Variants in LAMA2 observed in about 807,000 individuals in gnomAD.
The protein encoded by LAMA2 is laminin subunit alpha-2.
LAMA2 carries 269 observed loss-of-function variants against 364.8 expected under a neutral mutation model. The ratio of observed to expected loss-of-function variants is 0.74; its 90% CI spans 0.67 to 0.82. The LOEUF is 0.82. Among genes scored for constraint, LAMA2 ranks in the 40% least tolerant of loss-of-function variants. The probability of loss-of-function intolerance (pLI) is 0.00; values close to 1 mark genes in which losing one functional copy is unlikely to be tolerated. For missense variants in LAMA2, 3,807 were observed against 3,873.2 expected, an observed-to-expected ratio of 0.98 and a Z score of 0.45; for synonymous variants, 1,379 against 1,370.6, an observed-to-expected ratio of 1.01 and a Z score of -0.14.
intron 3 of LAMA2, among the ~76,000 whole-genome samples, chr6:129,064,947 A>G (rs4515405): frequency 0.95 from 144,958 of 152,248 alleles, 69,088 homozygotes; most frequent in East Asian, 0.97. Flanking sequence ...AAAGCCAAAG[A>G]CACTGCAAGA....
chr6:129,338,885 T>C (rs1776100610), intron 29 of LAMA2, among the ~76,000 whole-genome samples: 1 of 148,436 alleles, frequency 6.7e-6, no homozygotes, highest in Non-Finnish European at 1.5e-5. Flanking sequence ...GAATTTCAGA[T>C]GGCCCCATGT....
Position 129,492,391 on chromosome 6 carries a change from G to A in LAMA2, c.8152G>A (p.Asp2718Asn), listed in dbSNP as rs148051442. The A allele has an allele frequency of 1.2e-6, 2 of 1,614,042 alleles. No homozygotes were observed. Among genetic ancestry groups the A allele is most frequent in the African/African-American group, 2.7e-5 (2 of 74,930 alleles). ...GRCAHQKLREDEDGAAPAEIV... is the reference protein window; with the variant it reads ...GRCAHQKLRENEDGAAPAEIV... ...CTGTGCCCATCAGAAACTCCGTGAA[G>A]ATGAAGATGGAGCAGCTCCAGCTGA... Residue 2718 changes from aspartate to asparagine, a missense_variant, in exon 58 of 65, where the codon GAT (aspartate) becomes AAT (asparagine). Asp to Asn is a conservative substitution (Grantham distance 23). Transcript: ENST00000421865.
intron 3 of LAMA2, among the ~76,000 whole-genome samples, chr6:129,077,545 G>A (rs117016563): frequency 0.014 from 2,070 of 152,160 alleles, 22 homozygotes; most frequent in Non-Finnish European, 0.017. Flanking sequence ...AAGTTGCCCT[G>A]CTACCACTGT....
chr6:129,205,726 A>G (rs1782596646), intron 12 of LAMA2, among the ~76,000 whole-genome samples: 1 of 152,000 alleles, frequency 6.6e-6, no homozygotes, highest in Non-Finnish European at 1.5e-5. Context: ...TGTATTTTAA[A>G]TAAATTAAAC....
At chr6:129,252,011 A>G in intron 13 of LAMA2, 73 bp from the exon 14 acceptor site, 1 of 901,550 alleles carries the variant, frequency 1.1e-6, no homozygotes, top group Non-Finnish European at 1.8e-6. Flanking sequence ...GGATACAAAT[A>G]TAGATATGTT....
intron 29 of LAMA2, among the ~76,000 whole-genome samples, chr6:129,341,362 T>C (rs1417179979): frequency 6.6e-6 from 1 of 152,214 alleles, no homozygotes; most frequent in Non-Finnish European, 1.5e-5. Context: ...TCTTTCGATA[T>C]TGTTTATAAG....
chr6:129,338,118 G>A (rs1042889209), intron 29 of LAMA2, among the ~76,000 whole-genome samples: 1 of 152,112 alleles, frequency 6.6e-6, no homozygotes, highest in African/African-American at 2.4e-5. Context: ...TAGACTTACA[G>A]GTATAAGAGA....
chr6:129,391,652 G>A lies in LAMA2; in HGVS notation c.5233G>A (p.Val1745Ile). ...TQKEIAEDEL[V>I]AAEALLKKVK... Reference sequence around the variant, plus strand: ...AAAGGAAATTGCTGAAGATGAGTTGGTGTGAGTAGATGAGTTATTATTTTT... The same window carrying A: ...AAAGGAAATTGCTGAAGATGAGTTGATGTGAGTAGATGAGTTATTATTTTT... The change falls in exon 36 of 65, where the codon GTA (valine) becomes ATA (isoleucine). Residue 1745 changes from valine to isoleucine, a missense_variant and splice_region_variant. Coordinates refer to ENST00000421865, the MANE Select transcript of LAMA2 (RefSeq NM_000426.4). 2 of 1,612,320 alleles carry A rather than the reference G, an allele frequency of 1.2e-6. No individual in the cohort carries two copies. Among genetic ancestry groups the A allele is most frequent in the Non-Finnish European group, 1.7e-6 (2 of 1,178,426 alleles).
intron 12 of LAMA2, among the ~76,000 whole-genome samples, chr6:129,239,949 A>G (rs777543754): frequency 7.2e-5 from 11 of 152,226 alleles, no homozygotes; most frequent in Non-Finnish European, 1.3e-4. Context: ...ACAATAGGCC[A>G]TCTGCAAGCT....
At chr6:128,970,121 G>A (rs1206349034) in intron 1 of LAMA2, among the ~76,000 whole-genome samples, 1 of 152,086 alleles carries the variant, frequency 6.6e-6, no homozygotes, top group African/African-American at 2.4e-5. Context: ...CAAGTCAGTA[G>A]CATCATTATG....
At chr6:129,420,509 T>C (rs1781022537) in intron 40 of LAMA2, among the ~76,000 whole-genome samples, 1 of 152,174 alleles carries the variant, frequency 6.6e-6, no homozygotes, top group Non-Finnish European at 1.5e-5. Flanking sequence ...TGTGTAAGAC[T>C]TCTCTTCTAA....
chr6:129,206,106 GAGGAAGGAAGGA>G (rs71028149), intron 12 of LAMA2, among the ~76,000 whole-genome samples: 2,437 of 94,486 alleles, frequency 0.026, 87 homozygotes, highest in African/African-American at 0.069. Context: ...GGGAGGGAGG[GAGGAAGGAAGGA>G]AGGAAGGAAG....
intron 12 of LAMA2, among the ~76,000 whole-genome samples, chr6:129,238,852 C>T (rs1785197503): frequency 6.6e-6 from 1 of 151,832 alleles, no homozygotes; most frequent in African/African-American, 2.4e-5. Flanking sequence ...GCTTTGATTA[C>T]ATATGGTTCA....
chr6:128,915,342 T>C (rs567714521), intron 1 of LAMA2, among the ~76,000 whole-genome samples: 1 of 152,314 alleles, frequency 6.6e-6, no homozygotes, highest in South Asian at 2.1e-4. Flanking sequence ...GCTAACCTGC[T>C]TTTTAGATTA....
chr6:129,396,201 T>C (rs1779607905), intron 37 of LAMA2, among the ~76,000 whole-genome samples: 1 of 152,192 alleles, frequency 6.6e-6, no homozygotes, highest in South Asian at 2.1e-4. Context: ...GTACCTACCA[T>C]ATCAAGGTAC....
chr6:129,340,446 A>C (rs1414348776), intron 29 of LAMA2, among the ~76,000 whole-genome samples: 2 of 152,192 alleles, frequency 1.3e-5, no homozygotes, highest in Non-Finnish European at 2.9e-5. Context: ...CAAAGGACGG[A>C]AACAAATGTC....
At chr6:129,334,139 A>G (rs571124930) in intron 29 of LAMA2, among the ~76,000 whole-genome samples, 1 of 152,354 alleles carries the variant, frequency 6.6e-6, no homozygotes, top group South Asian at 2.1e-4. Flanking sequence ...AAGTGAGGAA[A>G]CTGAAGCATA....
intron 55 of LAMA2, among the ~76,000 whole-genome samples, chr6:129,483,068 A>C (rs572606651): frequency 0.32 from 43,318 of 137,206 alleles, 7,149 homozygotes; most frequent in African/African-American, 0.48. Flanking sequence ...CTCCGACTCG[A>C]AAAAAAAAAA....
rs1781483432 is a variant in LAMA2, at chr6:128,961,330, TA to T, written c.112+77974del. Among the ~76,000 whole-genome samples the T allele has an allele frequency of 4.1e-4, 14 of 34,138 alleles. 3 individuals carry two copies. The highest frequency in any genetic ancestry group is 6.6e-4 in the Non-Finnish European group (13 of 19,718). 22.4% of individuals were successfully genotyped at this position (34,138 alleles called of 152,430 possible). On this transcript the variant is annotated intron_variant, in intron 1 of 64. Transcript: ENST00000421865. The stretch of plus-strand genomic sequence containing the variant: ...ACAGAACTAATATGATATATATATA[TA>T]TATATATATATATATATATATATAT...
Sources: allele counts gnomAD v4.1 joint callset (sites outside exome capture counted in the v4.1 genomes callset), GRCh38; gene constraint gnomAD v4.1.1; transcripts MANE v1.5; gene names NCBI Gene and HGNC (gene_info 2026-07-23, HGNC 2026-07-21).